TNMD: variants seen among roughly 807,000 people sequenced by gnomAD.
TNMD encodes BRICHOS domain containing 4.
Under a neutral mutation model 26.9 loss-of-function variants are expected in TNMD, and 15 were observed. That is an observed-to-expected ratio of 0.56 (90% CI 0.37 to 0.86). The LOEUF is 0.86. TNMD is among the 40% of genes least tolerant of loss of function. The pLI is 0.00. For synonymous variants in TNMD, 73 were observed against 77.0 expected (o/e 0.95, Z 0.27); for missense variants, 222 against 242.6 (o/e 0.92, Z 0.56).
chrX:100,589,067 G>C (rs192960835), intron 2 of TNMD, among the ~76,000 whole-genome samples: 20 of 111,534 alleles, frequency 1.8e-4, no homozygotes, highest in African/African-American at 6.2e-4. Flanking sequence ...AAAATCCTTT[G>C]CTCAGAAGAA....
chrX:100,586,400 C>T (rs767435767), intron 2 of TNMD, among the ~76,000 whole-genome samples: 166 of 110,892 alleles, frequency 1.5e-3, no homozygotes, highest in African/African-American at 5.1e-3. Flanking sequence ...TGGCATGGAC[C>T]GTTAGGAGCC....
At chrX:100,589,571 G>A (rs776393230) in intron 2 of TNMD, among the ~76,000 whole-genome samples, 15 of 110,465 alleles carry the variant, frequency 1.4e-4, no homozygotes, top group South Asian at 4.0e-4. Context: ...AGCATTTGCT[G>A]AACAACTTAT....
chrX:100,587,326 A>C (rs1303910163), intron 2 of TNMD, among the ~76,000 whole-genome samples: 1 of 112,254 alleles, frequency 8.9e-6, no homozygotes, highest in African/African-American at 3.2e-5. Flanking sequence ...CCTCAAACCA[A>C]AATAAAACTT....
chrX:100,593,643 ATAG>A (rs1483528241), intron 2 of TNMD: 8 of 235,528 alleles, frequency 3.4e-5, no homozygotes, highest in Non-Finnish European at 5.1e-5. Flanking sequence ...AAGAAGCAGC[ATAG>A]GTTTTAGGTG....
intron 2 of TNMD, among the ~76,000 whole-genome samples, chrX:100,591,656 T>C (rs1427545037): frequency 3.6e-5 from 4 of 110,910 alleles, no homozygotes; most frequent in Admixed American, 9.6e-5. Context: ...AATATATAGC[T>C]CCCCACTCCT....
chrX:100,589,225 C>T (rs1179478246), intron 2 of TNMD, among the ~76,000 whole-genome samples: 1 of 110,978 alleles, frequency 9.0e-6, no homozygotes, highest in Non-Finnish European at 1.9e-5. Flanking sequence ...CCTGGGCTTT[C>T]CTACACCACA....
chrX:100,598,938 A>G (rs1370991893), intron 5 of TNMD, 78 bp from the exon 6 acceptor site: 1 of 855,712 alleles, frequency 1.2e-6, no homozygotes, highest in East Asian at 3.5e-5. Flanking sequence ...CTCTATCCCC[A>G]GCTGCTATTC....
chrX:100,585,474 T>C, intron 2 of TNMD, 112 bp downstream of exon 2: 1 of 850,768 alleles, frequency 1.2e-6, no homozygotes, highest in East Asian at 3.5e-5. Flanking sequence ...CTTTTGTGTT[T>C]ATTTTCTGGT....
intron 2 of TNMD, among the ~76,000 whole-genome samples, chrX:100,591,029 T>C (rs967278637): frequency 9.0e-6 from 1 of 111,075 alleles, no homozygotes; most frequent in African/African-American, 3.3e-5. Context: ...ATAAGGTACC[T>C]GAAGCACCAC....
At chrX:100,591,458 G>A (rs1030324368) in intron 2 of TNMD, among the ~76,000 whole-genome samples, 3 of 111,864 alleles carry the variant, frequency 2.7e-5, no homozygotes, top group Admixed American at 1.9e-4. Context: ...GTCTTCATAC[G>A]GGCCAGTGAA....
intron 2 of TNMD, among the ~76,000 whole-genome samples, chrX:100,589,914 T>C (rs1332281157): frequency 1.8e-5 from 2 of 111,897 alleles, no homozygotes; most frequent in Non-Finnish European, 3.8e-5. Flanking sequence ...ATTCTTCAGC[T>C]GCATTTAAGA....
chrX:100,593,127 A>AT (rs2082942615), intron 2 of TNMD, among the ~76,000 whole-genome samples: 1 of 111,771 alleles, frequency 8.9e-6, no homozygotes, highest in South Asian at 3.8e-4. Flanking sequence ...TGCAGGAGAA[A>AT]ATCTGGGGTT....
chrX:100,593,739 A>G, intron 2 of TNMD, 156 bp from the exon 3 acceptor site: 1 of 541,677 alleles, frequency 1.8e-6, no homozygotes, highest in Non-Finnish European at 2.8e-6. Context: ...GGCTGCCAAG[A>G]AAACTGTTGG....
At chrX:100,593,354 A>G in intron 2 of TNMD, 1 of 754,074 alleles carries the variant, frequency 1.3e-6, no homozygotes, top group Non-Finnish European at 1.6e-6. Context: ...AGGGAAGGCA[A>G]TAAATGTTTC....
intron 4 of TNMD, among the ~76,000 whole-genome samples, chrX:100,596,027 G>A (rs1034916817): frequency 8.9e-6 from 1 of 112,496 alleles, no homozygotes; most frequent in Non-Finnish European, 1.9e-5. Context: ...TTTTTTGAAA[G>A]ATTAAGGCAA....
intron 5 of TNMD, 114 bp downstream of exon 5, chrX:100,597,771 T>TATATATATATATATA (rs1346969663): frequency 1.2e-6 from 1 of 810,186 alleles, no homozygotes; most frequent in Non-Finnish European, 1.8e-6. Context: ...TTATATCTTC[T>TATATATATATATATA]TGGATGAGTC....
chrX:100,597,685 C>A (rs746219722), intron 5 of TNMD, 28 bp downstream of exon 5: 1 of 1,180,570 alleles, frequency 8.5e-7, no homozygotes, highest in South Asian at 1.8e-5. Flanking sequence ...TCATCCTCCT[C>A]CTATTTTCTA....
chrX:100,597,732 C>A, intron 5 of TNMD, 75 bp downstream of exon 5: 1 of 1,012,161 alleles, frequency 9.9e-7, no homozygotes, highest in Non-Finnish European at 1.4e-6. Context: ...CATTTAGAGG[C>A]TACATTTCTA....
chrX:100,596,264 G>A (rs927769544), intron 4 of TNMD, among the ~76,000 whole-genome samples: 2 of 112,153 alleles, frequency 1.8e-5, no homozygotes, highest in African/African-American at 6.5e-5. Context: ...AACCCGGGAG[G>A]TGGAGGTTTC....
Sources: allele counts gnomAD v4.1 joint callset (sites outside exome capture counted in the v4.1 genomes callset), GRCh38; gene constraint gnomAD v4.1.1; transcripts MANE v1.5; gene names NCBI Gene and HGNC (gene_info 2026-07-23, HGNC 2026-07-21).